The following NOS1 variants were observed in gnomAD, a reference collection of about 807,000 sequenced individuals.
The protein encoded by NOS1 is NOS type I.
NOS1 carries 51 observed loss-of-function variants against 164.5 expected under a neutral mutation model. The ratio of observed to expected loss-of-function variants is 0.31; its 90% confidence interval spans 0.25 to 0.39. NOS1 has a LOEUF of 0.39. NOS1 is among the 10% of genes least tolerant of loss of function. NOS1 has a pLI of 1.00. For missense variants in NOS1, 1,362 were observed against 1,885.6 expected (o/e 0.72, Z 5.14); for synonymous variants, 719 against 745.8 (o/e 0.96, Z 0.59).
chr12:117,243,440 G>T lies in NOS1; in HGVS notation c.2824-5C>A. On this transcript the variant is annotated splice_region_variant and splice_polypyrimidine_tract_variant and intron_variant, in intron 18 of 28. Transcript: ENST00000317775. The surrounding 1 kb of genome is among the most constrained non-coding windows in gnomAD (Gnocchi z 4.3). ...ACAGAAGACATCACAGGCTGCCTGT[G>T]GTGTACACAAGGCTTTCAGTGACCT... The T allele has an allele frequency of 6.2e-7, 1 of 1,613,770 alleles. No homozygotes were observed. Among genetic ancestry groups the T allele is most frequent in the Non-Finnish European group, 8.5e-7 (1 of 1,179,872 alleles).
At chr12:117,310,947 G>C (rs1413040722) in intron 3 of NOS1, among the ~76,000 whole-genome samples, 2 of 152,024 alleles carry the variant, frequency 1.3e-5, no homozygotes, top group Admixed American at 6.6e-5. Flanking sequence ...CTCACTGCAA[G>C]TTCCGCCTCC....
In NOS1 at chr12:117,278,028, T is replaced by C; in HGVS notation, c.1595A>G (p.Asn532Ser). The change falls in exon 9 of 29, where the codon AAC becomes AGC. Residue 532 changes from asparagine (N) to serine (S), a missense_variant. Around this residue, in one of 4 missense-constraint regions of NOS1, gnomAD observed 134 missense variants for 267.3 expected, o/e 0.50. Coordinates refer to ENST00000317775, the MANE Select transcript of NOS1 (RefSeq NM_000620.5). ...CTGGAAGAGCTCAGGGTCATTGCCG[T>C]TGGCCTGAAGCAGGAGCGGCAGGAC... The part of the protein sequence containing the change: ...FDVLPLLLQA[N>S]GNDPELFQIP... The C allele has an allele frequency of 6.2e-7, 1 of 1,614,072 alleles. No individual in the cohort carries two copies. The highest frequency in any genetic ancestry group is 1.1e-5 in the South Asian group (1 of 91,078).
chr12:117,359,834 C>A (rs1450897653), intron 1 of NOS1, among the ~76,000 whole-genome samples: 1 of 131,716 alleles, frequency 7.6e-6, no homozygotes, highest in African/African-American at 2.8e-5. Flanking sequence ...GACCTGCGTG[C>A]GAGTCTCCCA....
At chr12:117,252,862 T>C (rs542789225) in intron 17 of NOS1, among the ~76,000 whole-genome samples, 8 of 152,350 alleles carry the variant, frequency 5.3e-5, no homozygotes, top group East Asian at 1.9e-4. Context: ...TCTGAGAGAT[T>C]TGTGGCCAGG....
At chr12:117,218,281 A>G in intron 27 of NOS1, 117 bp from the exon 28 acceptor site, 1 of 786,216 alleles carries the variant, frequency 1.3e-6, no homozygotes, top group Non-Finnish European at 2.2e-6. Context: ...GTTCCCAAAG[A>G]GATGAGGCTG....
chr12:117,352,076 G>T (rs1295100826), intron 1 of NOS1, among the ~76,000 whole-genome samples: 2 of 152,170 alleles, frequency 1.3e-5, no homozygotes, highest in Admixed American at 6.5e-5. Flanking sequence ...AGGAGGCTGA[G>T]GTGGGAGGAT....
rs767106021 is a variant in NOS1, at chr12:117,286,167, C to T, written c.1227G>A (p.Gly409=). ...YQLKDTELIY[G]AKHAWRNASR... is the part of the protein sequence containing the mutation. ...AGGCATTCCGCCAGGCGTGCTTGGC[C>T]CCATAGATGAGCTCTGTGTCCTTGA... The change falls in exon 6 of 29, where the codon GGG becomes GGA. Residue 409 remains glycine (G), a synonymous_variant. Transcript: ENST00000317775. 4 of 1,614,104 alleles carry T rather than the reference C, an allele frequency of 2.5e-6. No homozygotes were observed. Among genetic ancestry groups the T allele is most frequent in the Admixed American group, 3.3e-5 (2 of 60,002 alleles).
At chr12:117,299,424 G>T in intron 3 of NOS1, among the ~76,000 whole-genome samples, 1 of 151,884 alleles carries the variant, frequency 6.6e-6, no homozygotes. Context: ...GGATCACGAG[G>T]TCAGGAGATC....
At chr12:117,346,603 C>A (rs560165593) in intron 1 of NOS1, among the ~76,000 whole-genome samples, 6 of 152,304 alleles carry the variant, frequency 3.9e-5, no homozygotes, top group Admixed American at 6.5e-5. Flanking sequence ...GTGGTCCATG[C>A]ACCAGCACCA....
rs1445018852 is a variant in NOS1, at chr12:117,268,142, T to G, written c.1842A>C (p.Glu614Asp). 6.2e-7 allele frequency: 1 copy of G among 1,609,084 alleles called. No individual in the cohort carries two copies. Among genetic ancestry groups the G allele is most frequent in the East Asian group, 2.2e-5 (1 of 44,874 alleles). The change falls in exon 11 of 29, where the codon GAA becomes GAC. Residue 614 changes from glutamate to aspartate, a missense_variant and splice_region_variant. Glu to Asp is a conservative substitution (Grantham distance 45, BLOSUM62 2). Around this residue, in one of 4 missense-constraint regions of NOS1, gnomAD observed 134 missense variants for 267.3 expected, o/e 0.50. Coordinates refer to ENST00000317775, the MANE Select transcript of NOS1 (RefSeq NM_000620.5). ...CDNSRYNILEEVAKKMNLDMR... is the reference protein window; with the variant it reads ...CDNSRYNILEDVAKKMNLDMR... ...TGTCTAAGTTCATCTTCTTGGCCAC[T>G]TCCTGAAAGAGGAAGGAAACACAGA... is the stretch of plus-strand genomic sequence containing the variant.
intron 3 of NOS1, among the ~76,000 whole-genome samples, chr12:117,299,531 C>T (rs947640500): frequency 2.0e-5 from 3 of 146,818 alleles, no homozygotes; most frequent in African/African-American, 5.1e-5. Flanking sequence ...CCCAGCTACT[C>T]GGGAGGCTGA....
chr12:117,286,077 T>C, intron 6 of NOS1, 27 bp downstream of exon 6: 1 of 1,613,428 alleles, frequency 6.2e-7, no homozygotes, highest in Non-Finnish European at 8.5e-7. Context: ...TTAAGGGCTC[T>C]TCAAGGTATC....
At chr12:117,257,383 A>G (rs1435136971) in intron 16 of NOS1, among the ~76,000 whole-genome samples, 2 of 152,114 alleles carry the variant, frequency 1.3e-5, no homozygotes, top group African/African-American at 2.4e-5. Flanking sequence ...GTGCCCAGCC[A>G]TCAATGGTAA....
chr12:117,268,387 T>G (rs1872572703), intron 10 of NOS1, among the ~76,000 whole-genome samples: 1 of 147,550 alleles, frequency 6.8e-6, no homozygotes, highest in Non-Finnish European at 1.5e-5. Flanking sequence ...TCTGCCACTA[T>G]GCCTGGCTAA....
intron 1 of NOS1, among the ~76,000 whole-genome samples, chr12:117,335,192 C>T (rs1204407855): frequency 1.3e-5 from 2 of 152,126 alleles, no homozygotes; most frequent in African/African-American, 2.4e-5. Flanking sequence ...ACTTTCTACT[C>T]TGTCACTGTC....
intron 23 of NOS1, 42 bp downstream of exon 23, chr12:117,227,389 G>A: frequency 6.3e-7 from 1 of 1,599,342 alleles, no homozygotes; most frequent in East Asian, 2.2e-5. Context: ...GCCCCTTGGG[G>A]GAAAATGCAG....
rs74239216 is a variant in NOS1, at chr12:117,301,096, C to T, written c.852+10370G>A. ...TATCAAATGAGAAGAGGGGATGGCT[C>T]GGCTGTGAACTGCTCCAGGGCAGTG... On this transcript the variant is annotated intron_variant, in intron 3 of 28. Transcript: ENST00000317775. Among the ~76,000 whole-genome samples, 1,012 of 152,256 alleles carry T rather than the reference C, an allele frequency of 6.6e-3. 68 individuals carry two copies. The East Asian group carries it at 0.17, about 25-fold the overall frequency.
chr12:117,356,259 A>C lies in NOS1; in HGVS notation c.-421+5253T>G, dbSNP rs1484439365. Among the ~76,000 whole-genome samples, 1 of 152,188 alleles carries C rather than the reference A, an allele frequency of 6.6e-6. No homozygotes were observed. Among genetic ancestry groups the C allele is most frequent in the African/African-American group, 2.4e-5 (1 of 41,452 alleles). ...GAGTCACAGAATCCACAAGTGCCCA[A>C]GCTGGCCTCTGACGTTTCCTAAGAT... On this transcript the variant is annotated intron_variant, in intron 1 of 28. Transcript: ENST00000317775. The surrounding 1 kb of genome is among the most constrained non-coding windows in gnomAD (Gnocchi z 4.2).
At chr12:117,327,489 C>A (rs182222780) in intron 2 of NOS1, among the ~76,000 whole-genome samples, 8 of 152,292 alleles carry the variant, frequency 5.3e-5, no homozygotes, top group Admixed American at 4.6e-4. Context: ...GCTGGAGGGA[C>A]CCATGGGCAG....
Sources: allele counts gnomAD v4.1 joint callset (sites outside exome capture counted in the v4.1 genomes callset), GRCh38; gene constraint gnomAD v4.1.1; regional missense constraint gnomAD v4.1.1; non-coding constraint Gnocchi (gnomAD v3.1); transcripts MANE v1.5; gene names NCBI Gene and HGNC (gene_info 2026-07-23, HGNC 2026-07-21).